The following L3MBTL4 variants were observed in gnomAD, a reference collection of about 807,000 sequenced individuals.
L3MBTL4 encodes lethal(3)malignant brain tumor-like protein 4.
L3MBTL4 carries 70 observed loss-of-function variants against 84.5 expected under a neutral mutation model. The observed-to-expected ratio is 0.83, with a 90% confidence interval of 0.68 to 1.01. The LOEUF is 1.01. Ranked by LOEUF, L3MBTL4 falls within the 50% of genes least tolerant of loss-of-function variation. The pLI is 0.00. For missense variants in L3MBTL4, 715 were observed against 754.8 expected, an observed-to-expected ratio of 0.95 and a Z score of 0.62; for synonymous variants, 274 against 259.8, an observed-to-expected ratio of 1.05 and a Z score of -0.52.
At chr18:6,106,627 TGACTTTCTGCCA>T (rs1464880499) in intron 14 of L3MBTL4, among the ~76,000 whole-genome samples, 6 of 152,172 alleles carry the variant, frequency 3.9e-5, no homozygotes, top group Admixed American at 3.3e-4. Flanking sequence ...GAGAGAGCCT[TGACTTTCTGCCA>T]GAAAAAGGCT....
At chr18:6,150,132 T>C (rs2042828748) in intron 13 of L3MBTL4, among the ~76,000 whole-genome samples, 1 of 152,204 alleles carries the variant, frequency 6.6e-6, no homozygotes, top group African/African-American at 2.4e-5. Context: ...TGGTGTCACA[T>C]ACAATTTTCG....
intron 4 of L3MBTL4, among the ~76,000 whole-genome samples, chr18:6,286,297 C>G (rs1022028510): frequency 6.6e-6 from 1 of 151,712 alleles, no homozygotes; most frequent in Non-Finnish European, 1.5e-5. Flanking sequence ...AACCCCATCT[C>G]TACTAAAAAT....
chr18:6,109,719 T>G lies in L3MBTL4; in HGVS notation c.1200-16191A>C, dbSNP rs369032036. On this transcript the variant is annotated intron_variant, in intron 14 of 18. Coordinates refer to ENST00000317931, the MANE Select transcript of L3MBTL4 (RefSeq NM_001330559.2). The stretch of plus-strand genomic sequence containing the variant: ...GAAGCTGCCCGTGCACCCCAGAAGA[T>G]GCCAGGAGGCCAGGGAGAGTCTCAA... Among the ~76,000 whole-genome samples, 468 of 152,264 alleles carry G rather than the reference T, an allele frequency of 3.1e-3. 1 individual carries two copies. The highest frequency in any genetic ancestry group is 0.011 in the African/African-American group (441 of 41,548).
At chr18:6,033,914 GA>G (rs1157726837) in intron 16 of L3MBTL4, among the ~76,000 whole-genome samples, 2 of 152,112 alleles carry the variant, frequency 1.3e-5, no homozygotes, top group East Asian at 1.9e-4. Context: ...GTTAAGTTGT[GA>G]AAAAATATGG....
chr18:6,412,114 A>T (rs925863985), intron 1 of L3MBTL4, among the ~76,000 whole-genome samples: 1 of 152,102 alleles, frequency 6.6e-6, no homozygotes, highest in Non-Finnish European at 1.5e-5. Context: ...AGTATCCATT[A>T]GTTATTCTTC....
chr18:5,971,256 G>A (rs942025422), intron 16 of L3MBTL4, among the ~76,000 whole-genome samples: 5 of 152,214 alleles, frequency 3.3e-5, no homozygotes, highest in Non-Finnish European at 7.3e-5. Context: ...GAAACCCGGA[G>A]TGGGAAAGTC....
At chr18:6,098,929 G>T (rs527674711) in intron 14 of L3MBTL4, among the ~76,000 whole-genome samples, 16 of 152,280 alleles carry the variant, frequency 1.1e-4, no homozygotes, top group Non-Finnish European at 1.9e-4. Context: ...CCAAAGGACA[G>T]GAGGAAGCAT....
intron 1 of L3MBTL4, among the ~76,000 whole-genome samples, chr18:6,322,191 T>C (rs1161316707): frequency 2.0e-5 from 3 of 151,348 alleles, no homozygotes; most frequent in South Asian, 2.1e-4. Flanking sequence ...ACCTCATATA[T>C]ACAAATTTAA....
intron 1 of L3MBTL4, among the ~76,000 whole-genome samples, chr18:6,350,271 C>T (rs1427346015): frequency 2.0e-5 from 3 of 152,070 alleles, no homozygotes; most frequent in African/African-American, 7.2e-5. Flanking sequence ...AAGCTGAAAA[C>T]GTTTGTGCAT....
At chr18:6,046,279 A>T (rs901740354) in intron 16 of L3MBTL4, among the ~76,000 whole-genome samples, 5 of 152,178 alleles carry the variant, frequency 3.3e-5, no homozygotes, top group Non-Finnish European at 7.4e-5. Context: ...GACCTACAGA[A>T]AGACTTACAC....
chr18:5,977,417 G>T (rs746827830), intron 16 of L3MBTL4, among the ~76,000 whole-genome samples: 49 of 152,178 alleles, frequency 3.2e-4, no homozygotes, highest in Admixed American at 2.3e-3. Flanking sequence ...GGCTGCCATG[G>T]CCTCCCCTGT....
intron 16 of L3MBTL4, among the ~76,000 whole-genome samples, chr18:5,970,885 T>A (rs1317590642): frequency 3.9e-5 from 6 of 152,212 alleles, no homozygotes; most frequent in African/African-American, 1.4e-4. Flanking sequence ...AGCGAGCTTG[T>A]CCATCACTGG....
chr18:6,385,225 G>T (rs2054769678), intron 1 of L3MBTL4, among the ~76,000 whole-genome samples: 1 of 151,914 alleles, frequency 6.6e-6, no homozygotes, highest in South Asian at 2.1e-4. Context: ...AACACAGTGA[G>T]ATCCCATCTC....
In L3MBTL4 at chr18:6,150,452, T is replaced by C. The variant is rs903363079; in HGVS notation, c.1097-12156A>G. ...ACACACACACACACACACACGCACA[T>C]ACACACACACAATTACACAATGTAT... On this transcript the variant is annotated intron_variant, in intron 13 of 18. Transcript: ENST00000317931. Among the ~76,000 whole-genome samples the C allele has an allele frequency of 1.2e-4, 18 of 151,664 alleles. No individual in the cohort carries two copies. The South Asian group carries it at 3.8e-3, about 32-fold the overall frequency.
chr18:6,150,891 G>A (rs2042864091), intron 13 of L3MBTL4, among the ~76,000 whole-genome samples: 1 of 152,222 alleles, frequency 6.6e-6, no homozygotes, highest in Non-Finnish European at 1.5e-5. Context: ...AGGAGAGAAA[G>A]CTCCCATGAT....
intron 4 of L3MBTL4, among the ~76,000 whole-genome samples, chr18:6,288,703 A>G (rs1002035531): frequency 6.6e-6 from 1 of 152,132 alleles, no homozygotes; most frequent in East Asian, 1.9e-4. Flanking sequence ...AACAGGATGT[A>G]AAATTGGTTA....
chr18:6,034,014 T>G (rs2055974557), intron 16 of L3MBTL4, among the ~76,000 whole-genome samples: 1 of 152,230 alleles, frequency 6.6e-6, no homozygotes, highest in Non-Finnish European at 1.5e-5. Flanking sequence ...TCACATGGCT[T>G]TGAATCACTC....
rs80293526 is a variant in L3MBTL4, at chr18:6,007,209, G to A, written c.1445-37647C>T. ...AAAACCATTTGCGACTCATATCACG[G>A]AGAAAAATCTAGTGTCCTAAAGCAT... On this transcript the variant is annotated intron_variant, in intron 16 of 18. Coordinates refer to ENST00000317931, the MANE Select transcript of L3MBTL4 (RefSeq NM_001330559.2). Among the ~76,000 whole-genome samples, 285 of 151,852 alleles carry A rather than the reference G, an allele frequency of 1.9e-3. 2 individuals are homozygous for A. The highest frequency in any genetic ancestry group is 6.7e-3 in the African/African-American group (278 of 41,388).
rs984204476 is a variant in L3MBTL4, at chr18:5,956,257, T to C, written c.1808A>G (p.Glu603Gly). The change falls in exon 19 of 19, where the codon GAA becomes GGA. Residue 603 changes from glutamate (E) to glycine (G), a missense_variant. Coordinates refer to ENST00000317931, the MANE Select transcript of L3MBTL4 (RefSeq NM_001330559.2). ...TTCTTGGCCTGAGGCAATATCTTCT[T>C]CAGGGAGTTCCTGGGAATGCCTGAA... Reference protein sequence around the residue: ...LMFRHSQELPEEDIASGQEVR... With the variant: ...LMFRHSQELPGEDIASGQEVR... 3 of 1,614,022 alleles carry C rather than the reference T, an allele frequency of 1.9e-6. No individual in the cohort carries two copies. In the African/African-American group the frequency reaches 4.0e-5, roughly 22 times the overall value.
Sources: allele counts gnomAD v4.1 joint callset (sites outside exome capture counted in the v4.1 genomes callset), GRCh38; gene constraint gnomAD v4.1.1; transcripts MANE v1.5; gene names NCBI Gene and HGNC (gene_info 2026-07-23, HGNC 2026-07-21).